The following TAF4B variants were observed in gnomAD, a reference collection of about 807,000 sequenced individuals.
TAF4B encodes transcription initiation factor TFIID subunit 4B.
A neutral mutation model predicts 86.4 loss-of-function variants in TAF4B; 38 were observed. The observed-to-expected ratio is 0.44, with a 90% CI of 0.34 to 0.58. The LOEUF is 0.58. Among genes scored for constraint, TAF4B ranks in the 20% least tolerant of loss-of-function variants. The probability of loss-of-function intolerance (pLI) is 0.02; values close to 1 mark genes in which losing one functional copy is unlikely to be tolerated. For synonymous variants in TAF4B, 388 were observed against 391.2 expected (o/e 0.99, Z 0.10); for missense variants, 988 against 1,027.6 (o/e 0.96, Z 0.53).
chr18:26,241,983 C>T (rs1048344050), intron 1 of TAF4B, among the ~76,000 whole-genome samples: 6 of 152,136 alleles, frequency 3.9e-5, no homozygotes, highest in African/African-American at 1.2e-4. Context: ...TTCACATTTG[C>T]TGGGGAGTGC....
At chr18:26,289,492 C>T (rs1222290486) in intron 7 of TAF4B, among the ~76,000 whole-genome samples, 3 of 151,970 alleles carry the variant, frequency 2.0e-5, no homozygotes, top group East Asian at 1.9e-4. Flanking sequence ...TGTTTCGTTT[C>T]GCTTTGTTTT....
At chr18:26,259,514 A>G (rs971087217) in intron 1 of TAF4B, among the ~76,000 whole-genome samples, 8 of 149,194 alleles carry the variant, frequency 5.4e-5, no homozygotes, top group African/African-American at 2.0e-4. Context: ...ATTCCCACCT[A>G]TGAGTGAGAA....
At chr18:26,227,361 A>T in intron 1 of TAF4B, 85 bp downstream of exon 1, 1 of 1,213,736 alleles carries the variant, frequency 8.2e-7, no homozygotes, top group Non-Finnish European at 1.2e-6. Flanking sequence ...GCTCCTAAAA[A>T]AACTGAGCCA....
intron 3 of TAF4B, among the ~76,000 whole-genome samples, chr18:26,269,482 AAACCAG>A (rs2056285859): frequency 6.6e-6 from 1 of 152,160 alleles, no homozygotes; most frequent in Admixed American, 6.5e-5. Flanking sequence ...ATATGTGATG[AAACCAG>A]TGGATCTGAT....
chr18:26,289,522 T>G (rs2056567121), intron 7 of TAF4B, among the ~76,000 whole-genome samples: 1 of 152,222 alleles, frequency 6.6e-6, no homozygotes, highest in African/African-American at 2.4e-5. Context: ...GTCTTACTTC[T>G]GTCACCCAGG....
At chr18:26,285,618 T>C (rs1270104489) in intron 6 of TAF4B, among the ~76,000 whole-genome samples, 1 of 152,190 alleles carries the variant, frequency 6.6e-6, no homozygotes, top group Non-Finnish European at 1.5e-5. Context: ...TAATACAGTG[T>C]TTACCAAATT....
intron 11 of TAF4B, among the ~76,000 whole-genome samples, chr18:26,323,107 A>G (rs915746441): frequency 6.6e-6 from 1 of 152,136 alleles, no homozygotes; most frequent in African/African-American, 2.4e-5. Context: ...CTTTGTATGA[A>G]TCATTCATTT....
chr18:26,261,984 T>A (rs2056174643), intron 1 of TAF4B, among the ~76,000 whole-genome samples: 1 of 152,150 alleles, frequency 6.6e-6, no homozygotes, highest in Admixed American at 6.5e-5. Flanking sequence ...AGGTACTGGG[T>A]GTGGGCAGTA....
chr18:26,267,644 G>C (rs745396885), intron 3 of TAF4B, 21 bp downstream of exon 3: 2 of 1,525,412 alleles, frequency 1.3e-6, no homozygotes, highest in Non-Finnish European at 1.8e-6. Context: ...CTGGCCATTC[G>C]TGCACTTGTT....
chr18:26,309,245 A>ATTTTTTTTTTTTTTTT (rs59457633), intron 9 of TAF4B, among the ~76,000 whole-genome samples: 2 of 84,590 alleles, frequency 2.4e-5, no homozygotes, highest in African/African-American at 7.7e-5. Context: ...ACCTGACAGT[A>ATTTTTTTTTTTTTTTT]TTTTTTTTTT....
intron 1 of TAF4B, among the ~76,000 whole-genome samples, chr18:26,247,063 C>T (rs1336976994): frequency 1.3e-5 from 2 of 151,996 alleles, no homozygotes; most frequent in Non-Finnish European, 2.9e-5. Context: ...TGGGGTTTCT[C>T]CATGTTGGTC....
chr18:26,272,139 C>T (rs1378017164), intron 3 of TAF4B, among the ~76,000 whole-genome samples: 1 of 152,150 alleles, frequency 6.6e-6, no homozygotes, highest in East Asian at 1.9e-4. Flanking sequence ...CCCTCCTCCT[C>T]CCAGTGGGCA....
At chr18:26,359,271 AT>A (rs1291095725) in intron 14 of TAF4B, among the ~76,000 whole-genome samples, 1 of 152,208 alleles carries the variant, frequency 6.6e-6, no homozygotes, top group Non-Finnish European at 1.5e-5. Context: ...TCCAATGGAC[AT>A]TTAGGTTGTT....
intron 13 of TAF4B, among the ~76,000 whole-genome samples, chr18:26,351,295 C>G (rs537880557): frequency 6.6e-6 from 1 of 152,126 alleles, no homozygotes; most frequent in East Asian, 1.9e-4. Context: ...TTTCACTGAT[C>G]TGTGAAAGCT....
intron 14 of TAF4B, among the ~76,000 whole-genome samples, chr18:26,376,022 T>C (rs1022435160): frequency 6.6e-6 from 1 of 152,170 alleles, no homozygotes; most frequent in Non-Finnish European, 1.5e-5. Flanking sequence ...AGTAGATATA[T>C]AGAATTATTT....
intron 13 of TAF4B, among the ~76,000 whole-genome samples, chr18:26,344,970 C>T (rs1406184613): frequency 6.6e-6 from 1 of 152,168 alleles, no homozygotes; most frequent in African/African-American, 2.4e-5. Context: ...CAGAATAACC[C>T]AGCCAGCCCC....
intron 1 of TAF4B, among the ~76,000 whole-genome samples, chr18:26,239,461 G>C (rs1457623018): frequency 6.6e-6 from 1 of 151,994 alleles, no homozygotes; most frequent in Non-Finnish European, 1.5e-5. Context: ...AAATTTGTTT[G>C]AGTTCTCTGT....
Position 26,321,097 on chromosome 18 carries a change from A to C in TAF4B, c.2030A>C (p.Asn677Thr). ...IGKKHDITEL[N>T]SDAVNLISQA... ...AAAAAGCATGACATTACAGAACTTA[A>C]CTCTGATGCTGTGAACTTGATCTCC... Residue 677 changes from asparagine (N) to threonine (T), a missense_variant, in exon 11 of 15, where the codon AAC becomes ACC. Around this residue, in one of 3 missense-constraint regions of TAF4B, gnomAD observed 216 missense variants for 238.4 expected, o/e 0.91. Coordinates refer to ENST00000269142, the MANE Select transcript of TAF4B (RefSeq NM_005640.3). The C allele has an allele frequency of 6.2e-7, 1 of 1,613,816 alleles. No homozygotes were observed.
intron 5 of TAF4B, among the ~76,000 whole-genome samples, chr18:26,276,750 A>T (rs1309250895): frequency 6.6e-6 from 1 of 152,186 alleles, no homozygotes; most frequent in Non-Finnish European, 1.5e-5. Flanking sequence ...TTTTCAAGGT[A>T]TGCTAGTTTT....
Sources: gnomAD v4.1 joint callset for allele counts (sites outside exome capture counted in the v4.1 genomes callset) on GRCh38, gnomAD v4.1.1 for gene constraint, gnomAD v4.1.1 regional missense constraint, MANE v1.5 for transcripts, NCBI Gene and HGNC (gene_info 2026-07-23, HGNC 2026-07-21) for gene names.